The following TBC1D16 variants were observed in gnomAD, a reference collection of about 807,000 sequenced individuals.
The protein encoded by TBC1D16 is CTD-2529O21.1.
A neutral mutation model predicts 74.7 loss-of-function variants in TBC1D16; 58 were observed. The ratio of observed to expected loss-of-function variants is 0.78; its 90% CI spans 0.63 to 0.97. TBC1D16 has a LOEUF of 0.97. Among genes scored for constraint, TBC1D16 ranks in the 50% least tolerant of loss-of-function variants. The pLI is 0.00. For missense variants in TBC1D16, 1,014 were observed against 1,079.5 expected (o/e 0.94, Z 0.85); for synonymous variants, 493 against 474.7 (o/e 1.04, Z -0.50).
chr17:80,019,369 C>T lies in TBC1D16; in HGVS notation c.-62-5760G>A, dbSNP rs1482434150. ...ATTTCGTGAGCGGGAAACCCTGCAGCGTGAGACCTTCGTCCCCCACGTGCA... is the reference window on the plus strand; with the variant it reads ...ATTTCGTGAGCGGGAAACCCTGCAGTGTGAGACCTTCGTCCCCCACGTGCA... On this transcript the variant is annotated intron_variant, in intron 1 of 11. Transcript: ENST00000310924. 5.4e-5 allele frequency among the ~76,000 whole-genome samples: 8 copies of T among 149,500 alleles called. 1 individual carries two copies. The highest frequency in any genetic ancestry group is 1.0e-4 in the African/African-American group (4 of 38,984).
chr17:80,006,765 C>G (rs10871500), intron 3 of TBC1D16, among the ~76,000 whole-genome samples: 62,497 of 151,696 alleles, frequency 0.41, 13,745 homozygotes, highest in Admixed American at 0.56. Flanking sequence ...CTTAAGCCAT[C>G]CTCCTGCCTC....
chr17:80,012,975 C>A (rs1459457864), intron 2 of TBC1D16, among the ~76,000 whole-genome samples: 1 of 152,198 alleles, frequency 6.6e-6, no homozygotes, highest in African/African-American at 2.4e-5. Context: ...ACACCAGCGT[C>A]CTTACCCACC....
At chr17:79,945,397 C>T (rs999224039) in intron 9 of TBC1D16, among the ~76,000 whole-genome samples, 1 of 152,166 alleles carries the variant, frequency 6.6e-6, no homozygotes, top group African/African-American at 2.4e-5. Flanking sequence ...AGGAAGGCTC[C>T]CCACCCTCAG....
intron 2 of TBC1D16, among the ~76,000 whole-genome samples, chr17:80,012,338 C>A (rs372781452): frequency 1.3e-5 from 2 of 152,162 alleles, no homozygotes; most frequent in Admixed American, 6.5e-5. Flanking sequence ...GTCGAGGGGC[C>A]GCATCGCCCA....
In TBC1D16 at chr17:80,017,600, G is replaced by C. The variant is rs149954621; in HGVS notation, c.-62-3991C>G. 2.7e-3 allele frequency among the ~76,000 whole-genome samples: 385 copies of C among 143,720 alleles called. 3 individuals are homozygous for C. The highest frequency in any genetic ancestry group is 9.7e-3 in the African/African-American group (378 of 39,130). The allele number at this position is 143,720 out of a possible 152,430, so 94.3% of individuals were successfully genotyped here. A position where few individuals can be genotyped will look rare whatever the true frequency, so the allele number is the denominator to read the frequency against. ...GGAGGCTCAAGCGGGAGAATCGCTT[G>C]AACCCAGGGGGCAGAGGTTGTGGTG... On this transcript the variant is annotated intron_variant, in intron 1 of 11. Transcript: ENST00000310924.
chr17:79,972,548 C>A (rs548541437), intron 3 of TBC1D16, among the ~76,000 whole-genome samples: 1 of 152,188 alleles, frequency 6.6e-6, no homozygotes, highest in Non-Finnish European at 1.5e-5. Flanking sequence ...AAGTGAAAGA[C>A]GCCAGACACA....
intron 9 of TBC1D16, among the ~76,000 whole-genome samples, chr17:79,946,969 G>A (rs2032595251): frequency 1.3e-5 from 2 of 152,234 alleles, no homozygotes; most frequent in African/African-American, 4.8e-5. Context: ...CACCCGGCAG[G>A]CACTTGGTTG....
rs372064712 is a variant in TBC1D16, at chr17:79,940,997, C to T, written c.2166G>A (p.Ala722=). The part of the protein sequence containing the change: ...SGMWDSGSMP[A]VECTGHHPGS... ...CGGGATGGTGGCCGGTGCACTCCAC[C>T]GCGGGCATGGAGCCGCTGTCCCACA... The change falls in exon 12 of 12, where the codon GCG becomes GCA. Residue 722 remains alanine (A), a synonymous_variant. Coordinates refer to ENST00000310924, the MANE Select transcript of TBC1D16 (RefSeq NM_019020.4). The surrounding 1 kb of genome is among the most constrained non-coding windows in gnomAD (Gnocchi z 5.4). 58 of 1,608,056 alleles carry T rather than the reference C, an allele frequency of 3.6e-5. No individual in the cohort carries two copies. The highest frequency in any genetic ancestry group is 3.3e-4 in the African/African-American group (25 of 74,810).
intron 3 of TBC1D16, among the ~76,000 whole-genome samples, chr17:79,982,933 TA>T (rs921425355): frequency 1.8e-4 from 28 of 152,170 alleles, no homozygotes; most frequent in African/African-American, 6.8e-4. Context: ...AAATAAATAA[TA>T]TGACATTGAA....
Position 79,994,917 on chromosome 17 carries a change from A to G in TBC1D16, c.779+15243T>C, listed in dbSNP as rs193000356. ...CGGCGGCCGTGTATACTGATCCCAC[A>G]TTGGAATGATACTATTTTGAACAAG... On this transcript the variant is annotated intron_variant, in intron 3 of 11. Transcript: ENST00000310924. This position sits in a 1 kb window ranked among gnomAD's most constrained non-coding sequence, Gnocchi z 4.6. 1.5e-3 allele frequency among the ~76,000 whole-genome samples: 234 copies of G among 152,362 alleles called. No individual in the cohort carries two copies. Among genetic ancestry groups the G allele is most frequent in the African/African-American group, 5.3e-3 (220 of 41,576 alleles).
At chr17:80,021,596 A>C (rs2036283282) in intron 1 of TBC1D16, among the ~76,000 whole-genome samples, 1 of 149,638 alleles carries the variant, frequency 6.7e-6, no homozygotes, top group African/African-American at 2.6e-5. Context: ...AGAACTCTTT[A>C]TATAGTAAAG....
intron 3 of TBC1D16, among the ~76,000 whole-genome samples, chr17:79,970,283 A>C (rs909981254): frequency 5.3e-5 from 8 of 152,172 alleles, no homozygotes; most frequent in African/African-American, 1.9e-4. Flanking sequence ...TGGGGAAGGA[A>C]GGGCTGGGCT....
chr17:79,970,756 A>G (rs77209150), intron 3 of TBC1D16, among the ~76,000 whole-genome samples: 10,128 of 152,256 alleles, frequency 0.067, 748 homozygotes, highest in African/African-American at 0.18. Flanking sequence ...CAGAAAGGTG[A>G]AGAGCTAGCA....
chr17:80,023,669 C>CT (rs2036373582), intron 1 of TBC1D16, among the ~76,000 whole-genome samples: 1 of 148,962 alleles, frequency 6.7e-6, no homozygotes, highest in Non-Finnish European at 1.5e-5. Context: ...CCCCCCCCAC[C>CT]GGCTCAGGGC....
rs761361550 is a variant in TBC1D16, at chr17:80,010,258, G to C, written c.681C>G (p.Asp227Glu). The change falls in exon 3 of 12, where the codon GAC becomes GAG. Residue 227 changes from aspartate (D) to glutamate (E), a missense_variant. Coordinates refer to ENST00000310924, the MANE Select transcript of TBC1D16 (RefSeq NM_019020.4). The surrounding 1 kb of genome is among the most constrained non-coding windows in gnomAD (Gnocchi z 8.8). ...AEGVSRDSSF[D>E]SDSDTFSSPF... ...GCGAGGAGAAGGTGTCTGAGTCTGAGTCAAAGGAGCTGTCTCTGCTCACGC... is the reference window on the plus strand; with the variant it reads ...GCGAGGAGAAGGTGTCTGAGTCTGACTCAAAGGAGCTGTCTCTGCTCACGC... The C allele has an allele frequency of 1.9e-6, 3 of 1,613,544 alleles. No homozygotes were observed. The highest frequency in any genetic ancestry group is 1.3e-5 in the African/African-American group (1 of 75,046).
At chr17:79,960,144 C>T (rs190228833) in intron 3 of TBC1D16, among the ~76,000 whole-genome samples, 1 of 152,096 alleles carries the variant, frequency 6.6e-6, no homozygotes, top group African/African-American at 2.4e-5. Context: ...AGATAAGCCA[C>T]AGACTGGGAA....
intron 1 of TBC1D16, among the ~76,000 whole-genome samples, chr17:80,016,010 CAAAAAAA>C (rs60327293): frequency 5.6e-5 from 5 of 89,668 alleles, no homozygotes; most frequent in South Asian, 3.7e-4. Flanking sequence ...GACTCCATCT[CAAAAAAA>C]AAAAAAAAAA....
intron 1 of TBC1D16, among the ~76,000 whole-genome samples, chr17:80,033,422 AGAAT>A (rs1299475770): frequency 6.6e-6 from 1 of 151,658 alleles, no homozygotes; most frequent in Non-Finnish European, 1.5e-5. Context: ...CACCCAGGCT[AGAAT>A]GCAGAGGCTG....
chr17:79,946,665 GAC>G (rs2032570298), intron 9 of TBC1D16, among the ~76,000 whole-genome samples: 1 of 152,224 alleles, frequency 6.6e-6, no homozygotes, highest in Non-Finnish European at 1.5e-5. Flanking sequence ...CGTTCTATGA[GAC>G]ACACTCTGTG....
Sources: gnomAD v4.1 joint callset for allele counts (sites outside exome capture counted in the v4.1 genomes callset) on GRCh38, gnomAD v4.1.1 for gene constraint, Gnocchi (gnomAD v3.1) non-coding constraint, MANE v1.5 for transcripts, NCBI Gene and HGNC (gene_info 2026-07-23, HGNC 2026-07-21) for gene names.